DLG3: variants seen among roughly 807,000 people sequenced by gnomAD.
DLG3 encodes discs large MAGUK scaffold protein 3.
In DLG3, 1 loss-of-function variant was observed where a neutral mutation model predicts 64.1. That is an observed-to-expected ratio of 0.02 (90% CI 0.01 to 0.07). The LOEUF (loss-of-function observed/expected upper bound fraction) is 0.07, where lower values mean the gene tolerates loss of function less well. Among genes scored for constraint, DLG3 ranks in the 10% least tolerant of loss-of-function variants. DLG3 has a pLI of 1.00. For synonymous variants in DLG3, 245 were observed against 259.8 expected (o/e 0.94, Z 0.55); for missense variants, 429 against 669.5 (o/e 0.64, Z 3.96).
At chrX:70,475,460 C>T (rs1212812058) in intron 9 of DLG3, among the ~76,000 whole-genome samples, 1 of 111,172 alleles carries the variant, frequency 9.0e-6, no homozygotes, top group Non-Finnish European at 1.9e-5. Flanking sequence ...CAGGTTCAAG[C>T]GATTCTCCTG....
At position 70,445,076 on chromosome X, in the gene DLG3, C is replaced by G. The variant is rs972372327; in HGVS notation, c.-126C>G. 4.0e-5 allele frequency: 20 copies of G among 503,762 alleles called. No individual in the cohort carries two copies. The highest frequency in any genetic ancestry group is 3.5e-4 in the South Asian group (7 of 19,755). 41.5% of individuals were successfully genotyped at this position (503,762 alleles called of 1,213,427 possible). On this transcript the variant is annotated 5_prime_UTR_variant, in exon 1 of 19. Transcript: ENST00000374360. ...CCGGGCGCCCCCACGGGTGCCCCCC[C>G]CTTCTTGGTCCGAGCAGTGTGAGTG...
chrX:70,477,234 A>G, intron 9 of DLG3, among the ~76,000 whole-genome samples: 1 of 112,853 alleles, frequency 8.9e-6, no homozygotes, highest in East Asian at 2.8e-4. Context: ...GAAGGGGAAA[A>G]CATGGCTTAA....
Position 70,454,167 on chromosome X carries a change from C to T in DLG3, c.1303-47C>T, listed in dbSNP as rs755307053. ...TCTCCTAACTGCTAATGCAGAGGACCCTCTTTCTTGCTTTTGGGGTGGCTC... is the reference window on the plus strand; with the variant it reads ...TCTCCTAACTGCTAATGCAGAGGACTCTCTTTCTTGCTTTTGGGGTGGCTC... On this transcript the variant is annotated intron_variant, in intron 8 of 18. Coordinates refer to ENST00000374360, the MANE Select transcript of DLG3 (RefSeq NM_021120.4). 15 of 1,132,314 alleles carry T rather than the reference C, an allele frequency of 1.3e-5. No individual in the cohort carries two copies. The African/African-American group carries it at 2.3e-4, about 18-fold the overall frequency. 93.3% of individuals were successfully genotyped at this position (1,132,314 alleles called of 1,213,427 possible). A position where few individuals can be genotyped will look rare whatever the true frequency, so the allele number is the denominator to read the frequency against.
intron 9 of DLG3, among the ~76,000 whole-genome samples, chrX:70,468,772 G>A (rs747462690): frequency 1.8e-5 from 2 of 111,849 alleles, no homozygotes; most frequent in South Asian, 3.8e-4. Flanking sequence ...ATTTGGTATT[G>A]TTTTTACCCA....
intron 6 of DLG3, among the ~76,000 whole-genome samples, 173 bp from the exon 7 acceptor site, chrX:70,451,694 C>T (rs918672545): frequency 5.4e-5 from 6 of 111,595 alleles, no homozygotes; most frequent in African/African-American, 9.8e-5. Context: ...AAAGGGACTG[C>T]GGAGGAGGAA....
At chrX:70,459,623 A>C (rs1381355313) in intron 9 of DLG3, among the ~76,000 whole-genome samples, 1 of 112,613 alleles carries the variant, frequency 8.9e-6, no homozygotes, top group South Asian at 3.7e-4. Flanking sequence ...AGCTAGTATT[A>C]CATTTATCTT....
intron 10 of DLG3, 99 bp from the exon 11 acceptor site, chrX:70,492,008 A>G (rs746451420): frequency 2.9e-5 from 25 of 856,062 alleles, no homozygotes; most frequent in Non-Finnish European, 4.1e-5. Context: ...TGAGGCTGCT[A>G]TGTCTGTGCT....
rs1064794361 is a variant in DLG3, at chrX:70,454,321, G to C, written c.1405+5G>C. 2.5e-6 allele frequency: 3 copies of C among 1,195,963 alleles called. No homozygotes were observed. In the Admixed American group the frequency reaches 6.6e-5, roughly 26 times the overall value. ...TGGCCCAGTACAGACCTGAAGGTAG[G>C]AGAAGGGAAGGTGGGAAGAGATGAT... On this transcript the variant is annotated splice_donor_5th_base_variant and intron_variant, in intron 9 of 18. Transcript: ENST00000374360.
Position 70,462,466 on chromosome X carries a change from T to C in DLG3, c.1405+8150T>C, listed in dbSNP as rs2086823192. Reference sequence around the variant, plus strand: ...GGTTTCGCCATGTTAGCCAGGCTGGTCTCAAACTCCTGACCTCAGGTGATC... The same window carrying C: ...GGTTTCGCCATGTTAGCCAGGCTGGCCTCAAACTCCTGACCTCAGGTGATC... On this transcript the variant is annotated intron_variant, in intron 9 of 18. Coordinates refer to ENST00000374360, the MANE Select transcript of DLG3 (RefSeq NM_021120.4). Among the ~76,000 whole-genome samples, 3 of 110,016 alleles carry C rather than the reference T, an allele frequency of 2.7e-5. No homozygotes were observed. The Admixed American group carries it at 2.9e-4, about 11-fold the overall frequency.
intron 6 of DLG3, chrX:70,451,125 C>T (rs1024896231): frequency 1.9e-5 from 5 of 259,511 alleles, no homozygotes; most frequent in South Asian, 6.6e-5. Flanking sequence ...TTGTTTGAGA[C>T]GGAGTCTTGC....
In DLG3 at chrX:70,502,224, C is replaced by T. The variant is rs1462420653; in HGVS notation, c.2409C>T (p.Asp803=). 4.1e-6 allele frequency: 5 copies of T among 1,209,013 alleles called. No individual in the cohort carries two copies. Among genetic ancestry groups the T allele is most frequent in the Non-Finnish European group, 5.6e-6 (5 of 893,840 alleles). ...IYNKIKQIIE[D]QSGHYIWVPS... ...ACAAAATCAAACAAATCATTGAGGA[C>T]CAGTCTGGGCACTACATTTGGGTCC... Residue 803 remains aspartate, a synonymous_variant, in exon 19 of 19, where the codon GAC becomes GAT. Transcript: ENST00000374360.
At chrX:70,453,991 C>T (rs752745250) in intron 8 of DLG3, among the ~76,000 whole-genome samples, 198 bp downstream of exon 8, 3 of 112,141 alleles carry the variant, frequency 2.7e-5, no homozygotes, top group Non-Finnish European at 5.6e-5. Flanking sequence ...AAATGAATGC[C>T]TATTGGATCT....
chrX:70,451,752 A>G (rs138467420), intron 6 of DLG3, 115 bp from the exon 7 acceptor site: 62,765 of 912,596 alleles, frequency 0.069, 3,582 homozygotes, highest in Admixed American at 0.36. Context: ...CTGAGGAATC[A>G]GCATCCCTTG....
At chrX:70,486,518 A>C (rs182281628) in intron 10 of DLG3, among the ~76,000 whole-genome samples, 1 of 112,545 alleles carries the variant, frequency 8.9e-6, no homozygotes, top group East Asian at 2.8e-4. Flanking sequence ...ATCTTGTCAG[A>C]TAAGCTGAAA....
chrX:70,450,335 T>C, intron 5 of DLG3, 30 bp downstream of exon 5: 1 of 1,167,288 alleles, frequency 8.6e-7, no homozygotes, highest in Non-Finnish European at 1.1e-6. Flanking sequence ...GATGCCCAAA[T>C]GGTAGGGTAG....
Position 70,499,860 on chromosome X carries a change from T to G in DLG3, c.1973-17T>G. 1.7e-6 allele frequency: 2 copies of G among 1,199,126 alleles called. No homozygotes were observed. The highest frequency in any genetic ancestry group is 2.3e-6 in the Non-Finnish European group (2 of 888,880). On this transcript the variant is annotated splice_polypyrimidine_tract_variant and intron_variant, in intron 15 of 18. Transcript: ENST00000374360. The stretch of plus-strand genomic sequence containing the variant: ...TCACTGCCCCTGGGCCACAAAGCAT[T>G]TCCTTTCTTCCTTCAGATACTACCC...
At chrX:70,499,314 G>C in intron 15 of DLG3, 37 bp downstream of exon 15, 1 of 1,015,259 alleles carries the variant, frequency 9.8e-7, no homozygotes, top group Middle Eastern at 2.5e-4. Context: ...GTGAGGCTTG[G>C]TGCCCTGGGA....
intron 18 of DLG3, 57 bp from the exon 19 acceptor site, chrX:70,502,106 G>A (rs2087575406): frequency 1.1e-6 from 1 of 919,495 alleles, no homozygotes; most frequent in Non-Finnish European, 1.6e-6. Flanking sequence ...AGGATTGCTG[G>A]GTTTGGGGGA....
At chrX:70,495,490 G>A (rs2147879840) in intron 13 of DLG3, 37 bp downstream of exon 13, 1 of 1,172,956 alleles carries the variant, frequency 8.5e-7, no homozygotes, top group East Asian at 3.0e-5. Flanking sequence ...TGTACTTGTG[G>A]CATGAATGGA....
Sources: allele counts gnomAD v4.1 joint callset (sites outside exome capture counted in the v4.1 genomes callset), GRCh38; gene constraint gnomAD v4.1.1; transcripts MANE v1.5; gene names NCBI Gene and HGNC (gene_info 2026-07-23, HGNC 2026-07-21).